Variants in SYNPR observed in about 807,000 individuals in gnomAD.
SYNPR encodes synaptoporin.
A neutral mutation model predicts 32.9 loss-of-function variants in SYNPR; 23 were observed. The observed-to-expected ratio is 0.70, with a 90% CI of 0.50 to 0.99. The LOEUF (loss-of-function observed/expected upper bound fraction) is 0.99, where lower values mean the gene tolerates loss of function less well. Ranked by LOEUF, SYNPR falls within the 50% of genes least tolerant of loss-of-function variation. The pLI is 0.00. For synonymous variants in SYNPR, 146 were observed against 135.9 expected, an observed-to-expected ratio of 1.07 and a Z score of -0.52; for missense variants, 318 against 349.3, an observed-to-expected ratio of 0.91 and a Z score of 0.71.
upstream of SYNPR, among the ~76,000 whole-genome samples, chr3:63,225,418 C>A (rs537804008): frequency 6.6e-5 from 10 of 152,116 alleles, no homozygotes; most frequent in Non-Finnish European, 1.3e-4. Flanking sequence ...GCAGGGAATC[C>A]AATTACAGAA....
intron 2 of SYNPR, among the ~76,000 whole-genome samples, chr3:63,433,340 G>T (rs1387828284): frequency 6.6e-6 from 1 of 152,134 alleles, no homozygotes; most frequent in East Asian, 1.9e-4. Flanking sequence ...TTAAAGACTT[G>T]GGGATGGTGT....
At chr3:63,430,714 T>C (rs528566108) in intron 2 of SYNPR, among the ~76,000 whole-genome samples, 6 of 152,292 alleles carry the variant, frequency 3.9e-5, no homozygotes, top group African/African-American at 9.6e-5. Flanking sequence ...CTGAGAGACC[T>C]AGATTCAGAG....
At chr3:63,283,522 A>G (rs1311822590) in intron 2 of SYNPR, among the ~76,000 whole-genome samples, 1 of 152,128 alleles carries the variant, frequency 6.6e-6, no homozygotes, top group Non-Finnish European at 1.5e-5. Flanking sequence ...AATCTTTTAA[A>G]CCATCATTTG....
intron 2 of SYNPR, chr3:63,443,576 A>G: frequency 8.0e-7 from 1 of 1,256,920 alleles, no homozygotes; most frequent in East Asian, 2.5e-5. Flanking sequence ...TCCAAGTATC[A>G]GTTTTTAAGT....
At chr3:63,239,295 C>T (rs2086220809) in intron 1 of SYNPR, among the ~76,000 whole-genome samples, 1 of 151,904 alleles carries the variant, frequency 6.6e-6, no homozygotes, top group South Asian at 2.1e-4. Context: ...GTCATGCACC[C>T]ATACTACCAT....
intron 2 of SYNPR, among the ~76,000 whole-genome samples, chr3:63,355,209 G>C (rs1381105418): frequency 2.6e-5 from 4 of 151,894 alleles, no homozygotes; most frequent in Admixed American, 2.6e-4. Context: ...AGCCTTGGAG[G>C]TGGAGGTTGC....
At chr3:63,384,511 G>A (rs552387498) in intron 2 of SYNPR, among the ~76,000 whole-genome samples, 2 of 152,168 alleles carry the variant, frequency 1.3e-5, no homozygotes, top group Admixed American at 1.3e-4. Context: ...TCAGTCTCAG[G>A]AACAAGCCTT....
intron 3 of SYNPR, among the ~76,000 whole-genome samples, chr3:63,507,517 C>G (rs1701612675): frequency 6.6e-6 from 1 of 151,968 alleles, no homozygotes; most frequent in Non-Finnish European, 1.5e-5. Context: ...TCATAAAAGA[C>G]TGGGGGAAAT....
chr3:63,589,464 A>G (rs1703266908), intron 4 of SYNPR, among the ~76,000 whole-genome samples: 2 of 152,142 alleles, frequency 1.3e-5, no homozygotes, highest in African/African-American at 4.8e-5. Context: ...TTTGCTAAAT[A>G]AATGAGTAAA....
chr3:63,267,008 T>C (rs1330886718), intron 2 of SYNPR, among the ~76,000 whole-genome samples: 1 of 152,204 alleles, frequency 6.6e-6, no homozygotes, highest in Non-Finnish European at 1.5e-5. Context: ...ATAGGCCTTA[T>C]GAAAGTCATA....
chr3:63,286,393 C>T (rs1484197884), intron 2 of SYNPR, among the ~76,000 whole-genome samples: 2 of 152,168 alleles, frequency 1.3e-5, no homozygotes, highest in Non-Finnish European at 2.9e-5. Context: ...CTGAATTCTC[C>T]AGGATGTGCT....
At chr3:63,494,450 C>CGT (rs1559516379) in intron 3 of SYNPR, among the ~76,000 whole-genome samples, 2 of 86,798 alleles carry the variant, frequency 2.3e-5, no homozygotes, top group East Asian at 3.5e-4. Flanking sequence ...TATATATACA[C>CGT]ATATATATAC....
At chr3:63,529,240 C>T (rs2106785955) in intron 3 of SYNPR, among the ~76,000 whole-genome samples, 1 of 152,358 alleles carries the variant, frequency 6.6e-6, no homozygotes, top group East Asian at 1.9e-4. Flanking sequence ...ATATAGCCTA[C>T]ACATATCCTC....
At chr3:63,546,467 C>T (rs115303018) in intron 3 of SYNPR, among the ~76,000 whole-genome samples, 369 of 152,144 alleles carry the variant, frequency 2.4e-3, no homozygotes, top group African/African-American at 8.6e-3. Context: ...CTTTCTGGCA[C>T]ATGGAAATGG....
At chr3:63,438,765 GT>G (rs1178123219) in intron 2 of SYNPR, among the ~76,000 whole-genome samples, 1 of 152,184 alleles carries the variant, frequency 6.6e-6, no homozygotes, top group African/African-American at 2.4e-5. Context: ...AGATTTCAAG[GT>G]TGTTCCATAA....
intron 4 of SYNPR, among the ~76,000 whole-genome samples, chr3:63,582,800 C>T (rs1490443292): frequency 6.6e-6 from 1 of 152,002 alleles, no homozygotes; most frequent in African/African-American, 2.4e-5. Flanking sequence ...AGCTGGTTAA[C>T]CCTGGATAAT....
In SYNPR at chr3:63,428,553, G is replaced by A. The variant is rs111226878; in HGVS notation, c.85-52279G>A. 6.6e-4 allele frequency among the ~76,000 whole-genome samples: 100 copies of A among 152,300 alleles called. 1 individual carries two copies. Among genetic ancestry groups the A allele is most frequent in the African/African-American group, 2.1e-3 (89 of 41,568 alleles). On this transcript the variant is annotated intron_variant, in intron 2 of 5. Transcript: ENST00000478300. ...AAACTCAATGCTTAAAACAGTAGGC[G>A]TTTATTATTGCTCATTTGTCTATGG...
At chr3:63,434,926 T>C (rs1700054438) in intron 2 of SYNPR, among the ~76,000 whole-genome samples, 1 of 152,234 alleles carries the variant, frequency 6.6e-6, no homozygotes, top group African/African-American at 2.4e-5. Flanking sequence ...TGTAATATTG[T>C]GTGCTATGCA....
chr3:63,588,273 A>G (rs922820153), intron 4 of SYNPR, among the ~76,000 whole-genome samples: 1 of 152,072 alleles, frequency 6.6e-6, no homozygotes, highest in Non-Finnish European at 1.5e-5. Context: ...GTTGATGAGA[A>G]AACATTGTAG....
Sources: gnomAD v4.1 joint callset for allele counts (sites outside exome capture counted in the v4.1 genomes callset) on GRCh38, gnomAD v4.1.1 for gene constraint, MANE v1.5 for transcripts, NCBI Gene and HGNC (gene_info 2026-07-23, HGNC 2026-07-21) for gene names.